Variants in ITGAD observed in about 807,000 individuals in gnomAD.
ITGAD encodes integrin alpha-D.
Under a neutral mutation model 139.0 loss-of-function variants are expected in ITGAD, and 105 were observed. That is an observed-to-expected ratio of 0.76 (90% CI 0.65 to 0.89). The LOEUF is 0.89. Ranked by LOEUF, ITGAD falls within the 40% of genes least tolerant of loss-of-function variation. The probability of loss-of-function intolerance (pLI) is 0.00; values close to 1 mark genes in which losing one functional copy is unlikely to be tolerated. For synonymous variants in ITGAD, 569 were observed against 598.3 expected (o/e 0.95, Z 0.71); for missense variants, 1,384 against 1,487.3 (o/e 0.93, Z 1.14).
intron 29 of ITGAD, among the ~76,000 whole-genome samples, chr16:31,424,881 G>A (rs1291967367): frequency 6.6e-6 from 1 of 151,996 alleles, no homozygotes; most frequent in East Asian, 1.9e-4. Context: ...TTACAGGTGT[G>A]AGCCACCTCA....
chr16:31,400,605 G>A (rs952219339), intron 5 of ITGAD, among the ~76,000 whole-genome samples: 40 of 152,158 alleles, frequency 2.6e-4, no homozygotes, highest in Non-Finnish European at 4.4e-4. Flanking sequence ...AGGTCACTTG[G>A]GAATGTTCTT....
At chr16:31,414,314 C>T (rs1400781854) in intron 16 of ITGAD, 137 bp from the exon 17 acceptor site, 3 of 829,536 alleles carry the variant, frequency 3.6e-6, no homozygotes, top group South Asian at 1.9e-5. Flanking sequence ...ATCTTCTTCA[C>T]ATGTATCCCC....
intron 7 of ITGAD, among the ~76,000 whole-genome samples, chr16:31,405,448 G>T (rs1002597891): frequency 2.6e-5 from 4 of 152,014 alleles, no homozygotes; most frequent in Non-Finnish European, 4.4e-5. Context: ...CTAGTCAACC[G>T]CCCTACAGTA....
chr16:31,398,427 CA>C (rs941556814), intron 5 of ITGAD, among the ~76,000 whole-genome samples: 1,786 of 73,300 alleles, frequency 0.024, 36 homozygotes, highest in African/African-American at 0.073. Flanking sequence ...AACTCCATCT[CA>C]AAAAAAAAAA....
chr16:31,416,751 T>C (rs1218874316), intron 20 of ITGAD, 105 bp downstream of exon 20: 2 of 969,874 alleles, frequency 2.1e-6, no homozygotes, highest in East Asian at 5.2e-5. Flanking sequence ...ATATGTGCTC[T>C]CTCTCTCTCT....
intron 18 of ITGAD, 59 bp from the exon 19 acceptor site, chr16:31,416,154 A>G: frequency 7.2e-7 from 1 of 1,385,342 alleles, no homozygotes; most frequent in East Asian, 2.5e-5. Flanking sequence ...GCTTCTAAGG[A>G]GGGGCTTGGA....
chr16:31,425,055 T>A (rs2082086034), intron 29 of ITGAD, among the ~76,000 whole-genome samples: 2 of 152,144 alleles, frequency 1.3e-5, no homozygotes, highest in Admixed American at 6.6e-5. Context: ...GCTCCACCTC[T>A]CTAAGCCTGT....
rs1389399565 is a variant in ITGAD at position 31,410,486 on chromosome 16, T to C, written c.1175T>C (p.Met392Thr). The part of the protein sequence containing the change: ...PPNMSPTFIN[M>T]SQENVDMRDS... ...AATATGAGCCCCACCTTCATCAACA[T>C]GTCTCAGGAGAATGTGGACATGAGG... The change falls in exon 11 of 30, where the codon ATG (methionine) becomes ACG (threonine). Residue 392 changes from methionine (M) to threonine (T), a missense_variant. Transcript: ENST00000389202. 1.2e-6 allele frequency: 2 copies of C among 1,613,276 alleles called. No individual in the cohort carries two copies. The highest frequency in any genetic ancestry group is 2.2e-5 in the East Asian group (1 of 44,830).
At chr16:31,410,568 C>T in intron 11 of ITGAD, 44 bp downstream of exon 11, 1 of 1,611,278 alleles carries the variant, frequency 6.2e-7, no homozygotes, top group Non-Finnish European at 8.5e-7. Context: ...AGATGCACTG[C>T]CCAGGGTGGG....
At chr16:31,416,182 G>T (rs1284107235) in intron 18 of ITGAD, 31 bp from the exon 19 acceptor site, 3 of 1,557,788 alleles carry the variant, frequency 1.9e-6, no homozygotes, top group Middle Eastern at 3.4e-4. Flanking sequence ...TAAGATGTCA[G>T]ATGGGAACAG....
In ITGAD at chr16:31,423,452, C is replaced by T. The variant is rs1026342108; in HGVS notation, c.2960C>T (p.Pro987Leu). 3 of 1,613,672 alleles carry T rather than the reference C, an allele frequency of 1.9e-6. No homozygotes were observed. Among genetic ancestry groups the T allele is most frequent in the African/African-American group, 2.7e-5 (2 of 74,888 alleles). ...GTGTGGGATGTGGTCATGGAGGCCC[C>T]ATCTCAGGTACCCGCCTATCTCTCC... is the stretch of plus-strand genomic sequence containing the variant. ...VAVWDVVMEAPSQSLPCVSER... is the reference protein window; with the variant it reads ...VAVWDVVMEALSQSLPCVSER... The change falls in exon 25 of 30, where the codon CCA becomes CTA. Residue 987 changes from proline (P) to leucine (L), a missense_variant. Transcript: ENST00000389202.
intron 17 of ITGAD, 32 bp downstream of exon 17, chr16:31,414,637 G>A: frequency 6.2e-7 from 1 of 1,612,804 alleles, no homozygotes; most frequent in Non-Finnish European, 8.5e-7. Flanking sequence ...AAGGGGGAGA[G>A]AGGAGGAGCC....
chr16:31,414,649 A>G, intron 17 of ITGAD, 44 bp downstream of exon 17: 1 of 1,611,098 alleles, frequency 6.2e-7, no homozygotes, highest in East Asian at 2.2e-5. Flanking sequence ...GGAGGAGCCC[A>G]AGGCTGGCCT....
chr16:31,417,212 ATTTATTTATT>A (rs1332222915), intron 20 of ITGAD, among the ~76,000 whole-genome samples: 36 of 131,170 alleles, frequency 2.7e-4, no homozygotes, highest in African/African-American at 9.9e-4. Context: ...CCCAGCTAAT[ATTTATTTATT>A]TATTTATTTA....
Position 31,398,981 on chromosome 16 carries a change from T to G in ITGAD, c.427+1072T>G, listed in dbSNP as rs76144235. On this transcript the variant is annotated intron_variant, in intron 5 of 29. Transcript: ENST00000389202. The stretch of plus-strand genomic sequence containing the variant: ...CTTCTGGATGGTTCACTGCTGAGCT[T>G]CCAGGATTCCCCAAACTAACTTTCC... Among the ~76,000 whole-genome samples, 26 of 152,260 alleles carry G rather than the reference T, an allele frequency of 1.7e-4. 1 individual carries two copies. The East Asian group carries it at 5.0e-3, about 29-fold the overall frequency.
Position 31,413,153 on chromosome 16 carries a change from G to C in ITGAD, c.1903G>C (p.Val635Leu). 6.2e-7 allele frequency: 1 copy of C among 1,614,176 alleles called. No individual in the cohort carries two copies. Among genetic ancestry groups the C allele is most frequent in the South Asian group, 1.1e-5 (1 of 91,086 alleles). Residue 635 changes from valine to leucine, a missense_variant, in exon 16 of 30, where the codon GTG becomes CTG. Val to Leu is a conservative substitution (Grantham distance 32). Transcript: ENST00000389202. The part of the protein sequence containing the change: ...RFSPVEVAKA[V>L]YRCWEEKPSA... ...CAGCCCTGTGGAGGTGGCCAAGGCT[G>C]TGTACCGGTGCTGGGAAGAGAAGCC...
chr16:31,402,366 T>G, intron 6 of ITGAD, 121 bp downstream of exon 6: 2 of 909,002 alleles, frequency 2.2e-6, no homozygotes, highest in Non-Finnish European at 3.4e-6. Flanking sequence ...GGGTGGAGAA[T>G]GAAGCTATGG....
At chr16:31,404,233 T>G (rs1413583009) in intron 7 of ITGAD, 1 of 153,550 alleles carries the variant, frequency 6.5e-6, no homozygotes, top group Non-Finnish European at 1.5e-5. Flanking sequence ...GCGCACCCCC[T>G]GTGCTACCCA....
At chr16:31,394,380 A>C in intron 2 of ITGAD, 39 bp downstream of exon 2, 3 of 1,481,414 alleles carry the variant, frequency 2.0e-6, no homozygotes, top group Non-Finnish European at 2.8e-6. Flanking sequence ...CCTCCACTAC[A>C]TCAAGTCCTG....
Sources: allele counts gnomAD v4.1 joint callset (sites outside exome capture counted in the v4.1 genomes callset), GRCh38; gene constraint gnomAD v4.1.1; transcripts MANE v1.5; gene names NCBI Gene and HGNC (gene_info 2026-07-23, HGNC 2026-07-21).